DMD: variants seen among roughly 807,000 people sequenced by gnomAD.
The protein encoded by DMD is dystrophin, also known as mutant dystrophin.
Under a neutral mutation model 330.1 loss-of-function variants are expected in DMD, and 63 were observed. That is an observed-to-expected ratio of 0.19 (90% CI 0.16 to 0.24). The LOEUF (loss-of-function observed/expected upper bound fraction) is 0.24. DMD is among the 10% of genes least tolerant of loss of function. The probability of loss-of-function intolerance (pLI) is 1.00; values close to 1 mark genes in which losing one functional copy is unlikely to be tolerated. For missense variants in DMD, 3,344 were observed against 2,684.1 expected (o/e 1.25, Z -5.43); for synonymous variants, 1,223 against 959.8 (o/e 1.27, Z -5.07).
chrX:32,648,154 T>A (rs902922824), intron 9 of DMD, among the ~76,000 whole-genome samples: 3 of 112,073 alleles, frequency 2.7e-5, no homozygotes, highest in Non-Finnish European at 5.6e-5. Context: ...ATACTTATAC[T>A]CAAGGACATG....
intron 62 of DMD, chrX:31,266,837 A>G: frequency 8.3e-7 from 1 of 1,206,304 alleles, no homozygotes; most frequent in Non-Finnish European, 1.1e-6. Context: ...CATGGCTGCA[A>G]GGGCTCCGCG....
At chrX:32,615,915 T>C (rs1386662306) in intron 11 of DMD, among the ~76,000 whole-genome samples, 1 of 111,680 alleles carries the variant, frequency 9.0e-6, no homozygotes, top group African/African-American at 3.2e-5. Flanking sequence ...TTTTTTGTAT[T>C]TCAGTATCTC....
intron 9 of DMD, among the ~76,000 whole-genome samples, chrX:32,674,225 A>T (rs1184098297): frequency 1.8e-5 from 2 of 111,779 alleles, no homozygotes; most frequent in Admixed American, 9.5e-5. Context: ...CTAACTTTTT[A>T]CTTAGCAGTA....
chrX:32,967,135 C>A (rs2092191396), intron 2 of DMD, among the ~76,000 whole-genome samples: 1 of 111,708 alleles, frequency 9.0e-6, no homozygotes, highest in African/African-American at 3.3e-5. Flanking sequence ...GTTTCCTGAA[C>A]CAGGAACATA....
chrX:32,786,086 A>AGTGAGT (rs1557029346), intron 7 of DMD, among the ~76,000 whole-genome samples: 1 of 96,548 alleles, frequency 1.0e-5, no homozygotes, highest in African/African-American at 3.9e-5. Flanking sequence ...GAGGAATAAG[A>AGTGAGT]GTGTGTGTGT....
intron 62 of DMD, among the ~76,000 whole-genome samples, chrX:31,320,411 T>A (rs769178481): frequency 8.9e-6 from 1 of 112,288 alleles, no homozygotes; most frequent in Non-Finnish European, 1.9e-5. Flanking sequence ...ATTAAAAACA[T>A]AGCCAGAGAA....
intron 64 of DMD, among the ~76,000 whole-genome samples, chrX:31,214,496 A>AAAC (rs751879639): frequency 3.8e-4 from 43 of 111,896 alleles, no homozygotes; most frequent in African/African-American, 1.4e-3. Flanking sequence ...TAACTAACTG[A>AAAC]AACTCACAGC....
chrX:32,426,984 G>A (rs2098215766), intron 29 of DMD, among the ~76,000 whole-genome samples: 1 of 111,184 alleles, frequency 9.0e-6, no homozygotes, highest in Non-Finnish European at 1.9e-5. Context: ...GGGAGGATCA[G>A]AAAAAATACC....
Position 32,454,970 on chromosome X carries a change from A to G in DMD, c.3433-138T>C, listed in dbSNP as rs931048821. On this transcript the variant is annotated intron_variant, in intron 25 of 78. Transcript: ENST00000357033. ...GTAAAAAGCTTATATGCATAAGAAA[A>G]TAACTCATGGGGATCAGATACACTC... is the stretch of plus-strand genomic sequence containing the variant. The G allele has an allele frequency of 1.3e-5, 9 of 677,143 alleles. No individual in the cohort carries two copies. The African/African-American group carries it at 1.6e-4, about 12-fold the overall frequency. 55.8% of individuals were successfully genotyped at this position (677,143 alleles called of 1,213,427 possible). A position where few individuals can be genotyped will look rare whatever the true frequency, so the allele number is the denominator to read the frequency against.
intron 45 of DMD, among the ~76,000 whole-genome samples, chrX:31,957,448 T>A (rs978790519): frequency 8.9e-6 from 1 of 111,841 alleles, no homozygotes; most frequent in African/African-American, 3.3e-5. Context: ...GATATGCTTG[T>A]GTTTGTGTGC....
intron 19 of DMD, among the ~76,000 whole-genome samples, chrX:32,500,246 G>C (rs61104438): frequency 0.016 from 1,767 of 111,007 alleles, 35 homozygotes; most frequent in African/African-American, 0.052. Context: ...CCTTAATTTT[G>C]CTTTTCTAAA....
chrX:32,724,900 A>T (rs1341669621), intron 7 of DMD, among the ~76,000 whole-genome samples: 1 of 111,947 alleles, frequency 8.9e-6, no homozygotes, highest in African/African-American at 3.2e-5. Context: ...TAAACAATGG[A>T]AAAAAGAGAG....
chrX:32,474,208 T>TAC (rs3045001), intron 21 of DMD, among the ~76,000 whole-genome samples: 3,384 of 41,288 alleles, frequency 0.082, 66 homozygotes, highest in African/African-American at 0.097. Context: ...CATACATACA[T>TAC]ACACACACAC....
Position 32,970,985 on chromosome X carries a change from G to A in DMD, c.93+49154C>T, listed in dbSNP as rs368914191. 4.6e-5 allele frequency among the ~76,000 whole-genome samples: 5 copies of A among 109,571 alleles called. No individual in the cohort carries two copies. In the East Asian group the frequency reaches 1.5e-3, roughly 32 times the overall value. The stretch of plus-strand genomic sequence containing the variant: ...TTGTTGTTTTTTCCTTTTTGAGACA[G>A]AGGTTCACTCTTGTTGCCCAGGCTG... On this transcript the variant is annotated intron_variant, in intron 2 of 78. Transcript: ENST00000357033.
chrX:31,849,215 CATTTATTT>C (rs55862537), intron 48 of DMD, among the ~76,000 whole-genome samples: 7 of 107,743 alleles, frequency 6.5e-5, no homozygotes, highest in African/African-American at 1.0e-4. Flanking sequence ...TATGTTCAAA[CATTTATTT>C]ATTTATTTAT....
At chrX:32,378,756 G>A (rs1053527867) in intron 34 of DMD, among the ~76,000 whole-genome samples, 30 of 110,921 alleles carry the variant, frequency 2.7e-4, no homozygotes, top group African/African-American at 9.1e-4. Context: ...TACATTTAAT[G>A]TATTGCATTT....
At chrX:31,800,362 A>G (rs1379158889) in intron 50 of DMD, among the ~76,000 whole-genome samples, 2 of 112,583 alleles carry the variant, frequency 1.8e-5, no homozygotes, top group Non-Finnish European at 3.8e-5. Context: ...ACCACATGTA[A>G]GCCACTAAGG....
intron 44 of DMD, among the ~76,000 whole-genome samples, chrX:32,208,717 GCT>G (rs1338200728): frequency 8.9e-6 from 1 of 112,272 alleles, no homozygotes; most frequent in African/African-American, 3.2e-5. Flanking sequence ...GAGAAAAGGA[GCT>G]CTTAGTCAGC....
intron 13 of DMD, among the ~76,000 whole-genome samples, chrX:32,593,935 T>G (rs2062848483): frequency 8.9e-6 from 1 of 112,497 alleles, no homozygotes; most frequent in Non-Finnish European, 1.9e-5. Flanking sequence ...AGGGACAAGC[T>G]GAACCTTTGA....
Sources: allele counts gnomAD v4.1 joint callset (sites outside exome capture counted in the v4.1 genomes callset), GRCh38; gene constraint gnomAD v4.1.1; transcripts MANE v1.5; gene names NCBI Gene and HGNC (gene_info 2026-07-23, HGNC 2026-07-21).